Variants in CDKAL1 observed in about 807,000 individuals in gnomAD.
CDKAL1 encodes threonylcarbamoyladenosine tRNA methylthiotransferase.
A neutral mutation model predicts 68.2 loss-of-function variants in CDKAL1; 32 were observed. That is an observed-to-expected ratio of 0.47 (90% CI 0.35 to 0.63). CDKAL1 has a LOEUF of 0.63. Ranked by LOEUF, CDKAL1 falls within the 30% of genes least tolerant of loss-of-function variation. The pLI is 0.00. For missense variants in CDKAL1, 606 were observed against 696.7 expected, an observed-to-expected ratio of 0.87 and a Z score of 1.47; for synonymous variants, 234 against 244.3, an observed-to-expected ratio of 0.96 and a Z score of 0.39.
At chr6:20,685,389 C>T (rs1770571944) in intron 5 of CDKAL1, among the ~76,000 whole-genome samples, 1 of 152,126 alleles carries the variant, frequency 6.6e-6, no homozygotes, top group Non-Finnish European at 1.5e-5. Context: ...AGTACATTGT[C>T]TTGATTATTG....
At chr6:20,696,159 T>A (rs1263973096) in intron 5 of CDKAL1, among the ~76,000 whole-genome samples, 1 of 152,266 alleles carries the variant, frequency 6.6e-6, no homozygotes, top group African/African-American at 2.4e-5. Context: ...CACATTGGCC[T>A]GCTAGGCATA....
chr6:21,187,412 A>T (rs1268449052), intron 13 of CDKAL1, among the ~76,000 whole-genome samples: 3 of 152,232 alleles, frequency 2.0e-5, no homozygotes, highest in Non-Finnish European at 4.4e-5. Context: ...GATTTTAAAA[A>T]TTCTCATTTA....
chr6:20,971,004 A>C (rs187137502), intron 10 of CDKAL1, among the ~76,000 whole-genome samples: 3 of 151,970 alleles, frequency 2.0e-5, no homozygotes, highest in African/African-American at 7.2e-5. Context: ...ACGTGCCACC[A>C]CACCCGGCTA....
Position 20,781,168 on chromosome 6 carries a change from C to G in CDKAL1, c.541C>G (p.Gln181Glu). 1 of 1,613,764 alleles carries G rather than the reference C, an allele frequency of 6.2e-7. No homozygotes were observed. The highest frequency in any genetic ancestry group is 1.3e-5 in the African/African-American group (1 of 74,990). Residue 181 changes from glutamine (Q) to glutamate (E), a missense_variant, in exon 8 of 16, where the codon CAG becomes GAG. Transcript: ENST00000274695. ...IKGHSVRLLG[Q>E]KKDNGRRLGG... is the part of the protein sequence containing the mutation. Reference sequence around the variant, plus strand: ...AGGTCACTCTGTGAGACTGCTGGGTCAGAAAAAGGATAATGGAAGGCGGCT... The same window carrying G: ...AGGTCACTCTGTGAGACTGCTGGGTGAGAAAAAGGATAATGGAAGGCGGCT...
At chr6:20,697,901 A>G (rs1201060752) in intron 5 of CDKAL1, among the ~76,000 whole-genome samples, 1 of 152,194 alleles carries the variant, frequency 6.6e-6, no homozygotes, top group Non-Finnish European at 1.5e-5. Context: ...TTTTGACTGA[A>G]GTAATTGATT....
intron 13 of CDKAL1, among the ~76,000 whole-genome samples, chr6:21,141,553 T>C (rs947310404): frequency 6.6e-6 from 1 of 152,220 alleles, no homozygotes; most frequent in Non-Finnish European, 1.5e-5. Context: ...AATGAATGAC[T>C]CAATCCATGA....
intron 11 of CDKAL1, among the ~76,000 whole-genome samples, chr6:21,025,632 C>T (rs1326552436): frequency 2.6e-5 from 4 of 151,886 alleles, no homozygotes; most frequent in African/African-American, 9.7e-5. Context: ...TTCTCCAGGC[C>T]CTGGAAACTG....
chr6:21,165,336 T>G (rs146011796), intron 13 of CDKAL1, among the ~76,000 whole-genome samples: 270 of 152,284 alleles, frequency 1.8e-3, no homozygotes, highest in African/African-American at 5.4e-3. Flanking sequence ...AAAAATAATA[T>G]TGTTATTGTG....
chr6:20,666,669 C>G (rs1020767968), intron 5 of CDKAL1, among the ~76,000 whole-genome samples: 1 of 148,764 alleles, frequency 6.7e-6, no homozygotes, highest in South Asian at 2.1e-4. Context: ...GCTGATCGCC[C>G]GCTGCATTCC....
intron 4 of CDKAL1, among the ~76,000 whole-genome samples, chr6:20,647,025 G>A (rs557940811): frequency 1.3e-5 from 2 of 152,338 alleles, no homozygotes; most frequent in African/African-American, 4.8e-5. Context: ...GATTACAGGC[G>A]TGAGCACCTG....
intron 9 of CDKAL1, among the ~76,000 whole-genome samples, chr6:20,858,280 G>A (rs926931126): frequency 6.6e-6 from 1 of 152,020 alleles, no homozygotes; most frequent in African/African-American, 2.4e-5. Flanking sequence ...GGAATCAGTA[G>A]CCTAGATTTT....
chr6:20,700,713 G>A (rs1771312267), intron 5 of CDKAL1, among the ~76,000 whole-genome samples: 2 of 152,130 alleles, frequency 1.3e-5, no homozygotes, highest in African/African-American at 4.8e-5. Flanking sequence ...CAAAAAGGGA[G>A]TAACATACAG....
At chr6:20,587,915 G>A (rs1472223084) in intron 4 of CDKAL1, among the ~76,000 whole-genome samples, 3 of 152,104 alleles carry the variant, frequency 2.0e-5, no homozygotes, top group Admixed American at 2.0e-4. Flanking sequence ...GGGCAACATA[G>A]CGAGACCCTG....
rs530222300 is a variant in CDKAL1, at chr6:20,630,805, T to G, written c.287-18488T>G. Reference sequence around the variant, plus strand: ...TGGTTTCCAGCTTAAGACACCTCTTTGCAAGTCACAACATCTCTTTCTATT... The same window carrying G: ...TGGTTTCCAGCTTAAGACACCTCTTGGCAAGTCACAACATCTCTTTCTATT... On this transcript the variant is annotated intron_variant, in intron 4 of 15. Coordinates refer to ENST00000274695, the MANE Select transcript of CDKAL1 (RefSeq NM_017774.3). Among the ~76,000 whole-genome samples, 7 of 152,300 alleles carry G rather than the reference T, an allele frequency of 4.6e-5. No homozygotes were observed. The South Asian group carries it at 1.0e-3, about 23-fold the overall frequency.
At chr6:20,569,771 CAGT>C (rs1438807208) in intron 4 of CDKAL1, among the ~76,000 whole-genome samples, 2 of 152,184 alleles carry the variant, frequency 1.3e-5, no homozygotes, top group Non-Finnish European at 2.9e-5. Context: ...CTTTCAGAAT[CAGT>C]AGAATTTTTT....
At chr6:20,979,161 A>G (rs892895861) in intron 10 of CDKAL1, among the ~76,000 whole-genome samples, 2 of 152,222 alleles carry the variant, frequency 1.3e-5, no homozygotes, top group Admixed American at 6.5e-5. Context: ...ATACCAGGTC[A>G]TTGAAAAAGT....
intron 11 of CDKAL1, among the ~76,000 whole-genome samples, chr6:21,017,216 T>A (rs1768392491): frequency 6.6e-6 from 1 of 152,252 alleles, no homozygotes; most frequent in Non-Finnish European, 1.5e-5. Flanking sequence ...GGAGTATTTT[T>A]GTGTGTATGT....
chr6:20,867,650 A>T (rs1759979729), intron 9 of CDKAL1, among the ~76,000 whole-genome samples: 1 of 152,182 alleles, frequency 6.6e-6, no homozygotes, highest in Non-Finnish European at 1.5e-5. Context: ...GCCCCTTCTG[A>T]CAGGATAAGT....
intron 5 of CDKAL1, among the ~76,000 whole-genome samples, chr6:20,665,090 T>C (rs1391466588): frequency 6.6e-6 from 1 of 152,074 alleles, no homozygotes; most frequent in Non-Finnish European, 1.5e-5. Context: ...TGATCTTATC[T>C]GTATTCCTTG....
Sources: allele counts gnomAD v4.1 joint callset (sites outside exome capture counted in the v4.1 genomes callset), GRCh38; gene constraint gnomAD v4.1.1; transcripts MANE v1.5; gene names NCBI Gene and HGNC (gene_info 2026-07-23, HGNC 2026-07-21).